KLRB1: variants seen among roughly 807,000 people sequenced by gnomAD.
KLRB1 encodes killer cell lectin like receptor B1.
Under a neutral mutation model 33.5 loss-of-function variants are expected in KLRB1, and 27 were observed. That is an observed-to-expected ratio of 0.81 (90% CI 0.59 to 1.11). KLRB1 has a LOEUF of 1.11. KLRB1 is among the 50% of genes most tolerant of loss of function. The pLI is 0.00. For missense variants in KLRB1, 241 were observed against 254.1 expected (o/e 0.95, Z 0.35); for synonymous variants, 64 against 88.9 (o/e 0.72, Z 1.58).
At chr12:9,597,150 A>G (rs946930298) in intron 5 of KLRB1, among the ~76,000 whole-genome samples, 1 of 152,180 alleles carries the variant, frequency 6.6e-6, no homozygotes, top group Non-Finnish European at 1.5e-5. Flanking sequence ...ACAAACTTAA[A>G]ACATTCTCCT....
intron 2 of KLRB1, among the ~76,000 whole-genome samples, 191 bp downstream of exon 2, chr12:9,601,310 T>C (rs1864538813): frequency 6.6e-6 from 1 of 151,346 alleles, no homozygotes; most frequent in Non-Finnish European, 1.5e-5. Flanking sequence ...TGCTGAACGC[T>C]GGTTCCCCGG....
At chr12:9,603,646 G>T (rs1864569214) in intron 1 of KLRB1, among the ~76,000 whole-genome samples, 1 of 150,750 alleles carries the variant, frequency 6.6e-6, no homozygotes, top group Non-Finnish European at 1.5e-5. Context: ...ATGTTGGTCA[G>T]GCTGGTCTCG....
chr12:9,598,052 G>A lies in KLRB1; in HGVS notation c.524C>T (p.Ser175Phe). ...TAGCTCATCTAATACTCACTCATTA[G>A]AATTTAAAAAAGAGCCGTTTATCCA... ...WKWINGSFLN[S>F]NDLEIRGDAK... Residue 175 changes from serine (S) to phenylalanine (F), a missense_variant, in exon 5 of 6, where the codon TCT becomes TTT. Coordinates refer to ENST00000229402, the MANE Select transcript of KLRB1 (RefSeq NM_002258.3). The A allele has an allele frequency of 6.9e-7, 1 of 1,444,552 alleles. No individual in the cohort carries two copies. The highest frequency in any genetic ancestry group is 2.3e-5 in the East Asian group (1 of 43,688). 89.5% of individuals were successfully genotyped at this position (1,444,552 alleles called of 1,614,324 possible).
intron 5 of KLRB1, 91 bp downstream of exon 5, chr12:9,597,955 T>G: frequency 1.5e-6 from 1 of 670,964 alleles, no homozygotes; most frequent in Non-Finnish European, 2.5e-6. Context: ...TAAACCAAAT[T>G]AAAACTACAA....
At chr12:9,596,248 T>TTCTTCCTAC (rs1565441610) in intron 5 of KLRB1, among the ~76,000 whole-genome samples, 1 of 152,184 alleles carries the variant, frequency 6.6e-6, no homozygotes, top group African/African-American at 2.4e-5. Flanking sequence ...CTTGTCTGAT[T>TTCTTCCTAC]TCTTCCTACT....
rs1864481464 is a variant in KLRB1, at chr12:9,595,168, C to T, written c.*106G>A. 2 of 894,748 alleles carry T rather than the reference C, an allele frequency of 2.2e-6. No individual in the cohort carries two copies. The highest frequency in any genetic ancestry group is 3.5e-6 in the Non-Finnish European group (2 of 569,930). 55.4% of individuals were successfully genotyped at this position (894,748 alleles called of 1,614,324 possible). ...AGTTGTCAATTCTCAGAATTGTTCA[C>T]TTTGTGCCACTAAATGTGGCACTAT... On this transcript the variant is annotated 3_prime_UTR_variant, in exon 6 of 6. Transcript: ENST00000229402.
At chr12:9,607,378 T>TTCTTTCTC (rs1555097831) in intron 1 of KLRB1, among the ~76,000 whole-genome samples, 1,462 of 92,996 alleles carry the variant, frequency 0.016, 35 homozygotes, top group Admixed American at 0.019. Context: ...CTTTCTTTCT[T>TTCTTTCTC]TCTTTCTTTC....
intron 2 of KLRB1, among the ~76,000 whole-genome samples, chr12:9,600,659 G>A (rs1296351500): frequency 2.0e-5 from 3 of 152,130 alleles, no homozygotes; most frequent in Admixed American, 6.5e-5. Context: ...GATTAAGGGC[G>A]GTGCAAGATG....
intron 2 of KLRB1, among the ~76,000 whole-genome samples, chr12:9,600,913 A>G (rs57478815): frequency 6.6e-6 from 1 of 151,884 alleles, no homozygotes; most frequent in African/African-American, 2.4e-5. Flanking sequence ...AGGATTAGTA[A>G]AAGAGGAAGG....
rs1379420798 is a variant in KLRB1 at position 9,607,850 on chromosome 12, G to A, written c.-11C>T. ...TGCTTGTTGGTCCATGGCAGACAGA[G>A]GAAGGTGGCATTAAACTTGTGTGTA... is the stretch of plus-strand genomic sequence containing the variant. On this transcript the variant is annotated 5_prime_UTR_variant, in exon 1 of 6. Coordinates refer to ENST00000229402, the MANE Select transcript of KLRB1 (RefSeq NM_002258.3). The A allele has an allele frequency of 6.3e-7, 1 of 1,595,418 alleles. No individual in the cohort carries two copies. Among genetic ancestry groups the A allele is most frequent in the Non-Finnish European group, 8.6e-7 (1 of 1,163,644 alleles).
intron 5 of KLRB1, among the ~76,000 whole-genome samples, chr12:9,596,616 T>C (rs1363868864): frequency 6.6e-6 from 1 of 152,236 alleles, no homozygotes; most frequent in African/African-American, 2.4e-5. Flanking sequence ...ATCACTATTA[T>C]CTTAAAGCAT....
intron 1 of KLRB1, among the ~76,000 whole-genome samples, chr12:9,603,177 T>C (rs1864562827): frequency 6.6e-6 from 1 of 152,108 alleles, no homozygotes; most frequent in African/African-American, 2.4e-5. Flanking sequence ...TATCTGAATG[T>C]GAGGAAACCA....
intron 1 of KLRB1, 139 bp downstream of exon 1, chr12:9,607,616 C>A: frequency 3.3e-6 from 2 of 597,078 alleles, no homozygotes; most frequent in South Asian, 2.1e-5. Context: ...TATCTACAGG[C>A]AAGCCATGCA....
At chr12:9,601,731 G>A in intron 1 of KLRB1, 132 bp from the exon 2 acceptor site, 2 of 632,754 alleles carry the variant, frequency 3.2e-6, no homozygotes, top group South Asian at 3.6e-5. Context: ...TCAGCTTGGG[G>A]GATGGGGGCA....
rs1311529298 is a variant in KLRB1 at position 9,607,327 on chromosome 12, C to CT, written c.85+427dup. 5.7e-4 allele frequency among the ~76,000 whole-genome samples: 25 copies of CT among 44,058 alleles called. 1 individual carries two copies. The highest frequency in any genetic ancestry group is 1.1e-3 in the South Asian group (1 of 938). 28.9% of individuals were successfully genotyped at this position (44,058 alleles called of 152,430 possible). A position where few individuals can be genotyped will look rare whatever the true frequency, so the allele number is the denominator to read the frequency against. On this transcript the variant is annotated intron_variant, in intron 1 of 5. Coordinates refer to ENST00000229402, the MANE Select transcript of KLRB1 (RefSeq NM_002258.3). ...TTTCTTTCTTTCTTCTTTTCTTTCT[C>CT]TTTCTTTCCTTTCTTTCTTTCTTTC...
intron 1 of KLRB1, among the ~76,000 whole-genome samples, chr12:9,606,760 A>ATATATATTTTTTTT (rs1336534922): frequency 1.6e-5 from 1 of 63,744 alleles, no homozygotes; most frequent in African/African-American, 8.3e-5. Flanking sequence ...ATATATATAT[A>ATATATATTTTTTTT]TTTTTTTTTT....
rs1275496248 is a variant in KLRB1, at chr12:9,606,756, ATATAT to A, written c.85+994_85+998del. ...AAAGTATATATATATATATATATAT[ATATAT>A]TTTTTTTTTTTTTTTGAGATAGTCT... On this transcript the variant is annotated intron_variant, in intron 1 of 5. Coordinates refer to ENST00000229402, the MANE Select transcript of KLRB1 (RefSeq NM_002258.3). Among the ~76,000 whole-genome samples the A allele has an allele frequency of 4.6e-3, 146 of 31,432 alleles. 9 individuals are homozygous for A. Among genetic ancestry groups the A allele is most frequent in the African/African-American group, 7.0e-3 (53 of 7,520 alleles). The allele number at this position is 31,432 out of a possible 152,430, so 20.6% of individuals were successfully genotyped here.
intron 1 of KLRB1, among the ~76,000 whole-genome samples, chr12:9,607,335 C>CTTCCTTCCTTTCTTTCTTTCTTT (rs1491505010): frequency 1.8e-4 from 12 of 65,266 alleles, no homozygotes; most frequent in Admixed American, 7.4e-4. Flanking sequence ...CTCTTTCTTT[C>CTTCCTTCCTTTCTTTCTTTCTTT]CTTTCTTTCT....
chr12:9,595,918 A>G (rs1355802392), intron 5 of KLRB1, among the ~76,000 whole-genome samples: 1 of 152,218 alleles, frequency 6.6e-6, no homozygotes, highest in Non-Finnish European at 1.5e-5. Context: ...ATTTGGAAGC[A>G]GTGAGAAAAA....
Sources: allele counts gnomAD v4.1 joint callset (sites outside exome capture counted in the v4.1 genomes callset), GRCh38; gene constraint gnomAD v4.1.1; transcripts MANE v1.5; gene names NCBI Gene and HGNC (gene_info 2026-07-23, HGNC 2026-07-21).